The following RDX variants were observed in gnomAD, a reference collection of about 807,000 sequenced individuals.
RDX encodes the protein radixin.
A neutral mutation model predicts 83.7 loss-of-function variants in RDX; 32 were observed. That is an observed-to-expected ratio of 0.38 (90% CI 0.29 to 0.51). The LOEUF (loss-of-function observed/expected upper bound fraction) is 0.51. RDX is among the 20% of genes least tolerant of loss of function. The pLI, the probability that RDX is intolerant of heterozygous loss-of-function variation, is 0.87. For synonymous variants in RDX, 229 were observed against 222.7 expected (o/e 1.03, Z -0.25); for missense variants, 600 against 689.9 (o/e 0.87, Z 1.46).
At chr11:110,176,086 T>C (rs12420617) in intron 15 of RDX, among the ~76,000 whole-genome samples, 41,516 of 138,970 alleles carry the variant, frequency 0.3, 5,969 homozygotes, top group East Asian at 0.56. Flanking sequence ...TTTTCTTTTT[T>C]TCTTTTTTTT....
At chr11:110,239,855 A>C (rs1053820162) in intron 10 of RDX, among the ~76,000 whole-genome samples, 3 of 152,044 alleles carry the variant, frequency 2.0e-5, no homozygotes, top group Non-Finnish European at 4.4e-5. Flanking sequence ...AAAAAAAAAA[A>C]AAAAGGCAGT....
At chr11:110,275,887 T>C (rs1591177669) in intron 2 of RDX, among the ~76,000 whole-genome samples, 1 of 150,508 alleles carries the variant, frequency 6.6e-6, no homozygotes, top group South Asian at 2.1e-4. Flanking sequence ...CAGGTTCAAG[T>C]GATTCTCCTG....
intron 15 of RDX, among the ~76,000 whole-genome samples, chr11:110,191,774 C>T (rs918119684): frequency 2.0e-5 from 3 of 152,028 alleles, no homozygotes; most frequent in African/African-American, 4.8e-5. Flanking sequence ...GAGAATAGCT[C>T]GAACCTGGGA....
chr11:110,264,683 G>A, intron 4 of RDX, 96 bp downstream of exon 4: 1 of 826,218 alleles, frequency 1.2e-6, no homozygotes, highest in Non-Finnish European at 1.9e-6. Flanking sequence ...AACTACAAAA[G>A]GAAGCTTGCA....
rs889509891 is a variant in RDX at position 110,233,323 on chromosome 11, A to G, written c.1501T>C (p.Ser501Pro). 3 of 1,613,992 alleles carry G rather than the reference A, an allele frequency of 1.9e-6. No homozygotes were observed. The highest frequency in any genetic ancestry group is 2.5e-6 in the Non-Finnish European group (3 of 1,180,034). Residue 501 changes from serine (S) to proline (P), a missense_variant, in exon 13 of 14, where the codon TCA becomes CCA. Coordinates refer to ENST00000645495, the MANE Select transcript of RDX (RefSeq NM_002906.4). ...CTATGGTTCATTACCCCTTCATTTG[A>G]TAATTCAGCACTAGCTTCAGCATTA... is the stretch of plus-strand genomic sequence containing the variant. ...ENNAEASAEL[S>P]NEGVMNHRSE... is the part of the protein sequence containing the mutation.
chr11:110,250,927 T>C (rs1859310862), intron 9 of RDX, among the ~76,000 whole-genome samples: 1 of 152,216 alleles, frequency 6.6e-6, no homozygotes, highest in Admixed American at 6.5e-5. Flanking sequence ...TGTAGGCCTG[T>C]CTTGTCTCCT....
intron 5 of RDX, among the ~76,000 whole-genome samples, chr11:110,259,545 G>A (rs1859714996): frequency 6.6e-6 from 1 of 152,320 alleles, no homozygotes; most frequent in Non-Finnish European, 1.5e-5. Flanking sequence ...CCTTAAAGGG[G>A]TCTCAGACAT....
chr11:110,249,279 A>G (rs1859234882), intron 9 of RDX, among the ~76,000 whole-genome samples: 1 of 152,176 alleles, frequency 6.6e-6, no homozygotes, highest in South Asian at 2.1e-4. Context: ...ACTGCCACCT[A>G]CTGTCAATTC....
chr11:110,260,937 A>G (rs1282081326), intron 5 of RDX, among the ~76,000 whole-genome samples: 2 of 152,100 alleles, frequency 1.3e-5, no homozygotes, highest in African/African-American at 4.8e-5. Flanking sequence ...TTTTTTTCAC[A>G]TATTTTCAAT....
At position 110,217,038 on chromosome 11, in the gene RDX, C is replaced by T. The variant is rs566209039; in HGVS notation, c.1748+14835G>A. Among the ~76,000 whole-genome samples, 4 of 152,256 alleles carry T rather than the reference C, an allele frequency of 2.6e-5. No individual in the cohort carries two copies. The South Asian group carries it at 8.3e-4, about 32-fold the overall frequency. On this transcript the variant is annotated intron_variant, in intron 14 of 15. Transcript: ENST00000528498. ...AGGAGACTCCTGACGAGACACAGTC[C>T]CCATCAGGCCCAGTGCACTCTTTTC...
At position 110,231,876 on chromosome 11, in the gene RDX, G is replaced by A. The variant is rs757290634; in HGVS notation, c.1745C>T (p.Ala582Val). Residue 582 changes from alanine to valine, a missense_variant, in exon 14 of 14, where the codon GCA becomes GTA. Ala to Val is a moderately conservative substitution (Grantham distance 64, BLOSUM62 0). Coordinates refer to ENST00000645495, the MANE Select transcript of RDX (RefSeq NM_002906.4). ...NTKQRIDEFEAM is the reference protein window; with the variant it reads ...NTKQRIDEFEVM ...TATGCAAAATAACAGCTCTCACATT[G>A]CTTCAAACTCATCGATACGCTGCTT... The A allele has an allele frequency of 6.2e-7, 1 of 1,612,446 alleles. No homozygotes were observed. The highest frequency in any genetic ancestry group is 1.1e-5 in the South Asian group (1 of 91,000).
chr11:110,273,229 C>CA, intron 2 of RDX: 1 of 341,682 alleles, frequency 2.9e-6, no homozygotes, highest in South Asian at 2.3e-5. Flanking sequence ...CAAAGCAAAA[C>CA]AAAAAAGGCA....
chr11:110,218,280 A>G (rs1009996860), intron 14 of RDX, among the ~76,000 whole-genome samples: 1 of 152,222 alleles, frequency 6.6e-6, no homozygotes, highest in Non-Finnish European at 1.5e-5. Context: ...TTAAGTGACA[A>G]CTACTCTAAC....
intron 12 of RDX, among the ~76,000 whole-genome samples, chr11:110,233,960 AGT>A (rs1864741251): frequency 6.6e-6 from 1 of 152,212 alleles, no homozygotes; most frequent in South Asian, 2.1e-4. Context: ...CTAGATATTA[AGT>A]GTCTTCTGAT....
In RDX at chr11:110,252,286, T is replaced by TAG. The variant is rs1859367735; in HGVS notation, c.959+1658_959+1659dup. Among the ~76,000 whole-genome samples the TAG allele has an allele frequency of 1.3e-5, 2 of 152,146 alleles. 1 individual carries two copies. The highest frequency in any genetic ancestry group is 4.1e-4 in the South Asian group (2 of 4,828). On this transcript the variant is annotated intron_variant, in intron 9 of 13. Coordinates refer to ENST00000645495, the MANE Select transcript of RDX (RefSeq NM_002906.4). ...AAGTCTTCCACTTCCATCTAAGCCT[T>TAG]AGAGTAACTAAAATATAGCACCATT...
chr11:110,205,431 C>CAAAAAAA (rs35103862), intron 14 of RDX, among the ~76,000 whole-genome samples: 1 of 47,074 alleles, frequency 2.1e-5, no homozygotes, highest in Admixed American at 2.3e-4. Context: ...TTTACCTATC[C>CAAAAAAA]AAAAAAAAAA....
intron 14 of RDX, among the ~76,000 whole-genome samples, chr11:110,202,985 T>C (rs1164827615): frequency 6.6e-6 from 1 of 152,136 alleles, no homozygotes; most frequent in Non-Finnish European, 1.5e-5. Context: ...AGCTACCATA[T>C]GATCCAGCAA....
intron 2 of RDX, among the ~76,000 whole-genome samples, chr11:110,273,995 T>C (rs1860405595): frequency 6.8e-6 from 1 of 147,598 alleles, no homozygotes; most frequent in Admixed American, 6.8e-5. Context: ...TAACTCACAC[T>C]ATAAAAACTC....
chr11:110,240,740 G>A lies in RDX; in HGVS notation c.1091-3088C>T, dbSNP rs374757073. 1.6e-3 allele frequency among the ~76,000 whole-genome samples: 163 copies of A among 102,194 alleles called. 4 individuals carry two copies. The East Asian group carries it at 0.044, about 28-fold the overall frequency. 67.0% of individuals were successfully genotyped at this position (102,194 alleles called of 152,430 possible). A position where few individuals can be genotyped will look rare whatever the true frequency, so the allele number is the denominator to read the frequency against. On this transcript the variant is annotated intron_variant, in intron 10 of 13. Transcript: ENST00000645495. ...AGCCTGGGCGACAGAGCAAGACTCC[G>A]TCTCAAAAAAAAAAAAAAAAACGGT...
Sources: gnomAD v4.1 joint callset for allele counts (sites outside exome capture counted in the v4.1 genomes callset) on GRCh38, gnomAD v4.1.1 for gene constraint, MANE v1.5 for transcripts, NCBI Gene and HGNC (gene_info 2026-07-23, HGNC 2026-07-21) for gene names.